EIF4G3: variants seen among roughly 807,000 people sequenced by gnomAD.
The protein encoded by EIF4G3 is eukaryotic translation initiation factor 4 gamma 3, also known as eIF-4-gamma 3.
A neutral mutation model predicts 186.4 loss-of-function variants in EIF4G3; 34 were observed. The ratio of observed to expected loss-of-function variants is 0.18; its 90% CI spans 0.14 to 0.24. The LOEUF (loss-of-function observed/expected upper bound fraction) is 0.24. Ranked by LOEUF, EIF4G3 falls within the 10% of genes least tolerant of loss-of-function variation. The pLI is 1.00. For synonymous variants in EIF4G3, 673 were observed against 679.5 expected, an observed-to-expected ratio of 0.99 and a Z score of 0.15; for missense variants, 1,536 against 1,948.5, an observed-to-expected ratio of 0.79 and a Z score of 3.99.
intron 2 of EIF4G3, among the ~76,000 whole-genome samples, chr1:21,130,873 A>G (rs1315393740): frequency 6.6e-6 from 1 of 152,200 alleles, no homozygotes; most frequent in East Asian, 1.9e-4. Flanking sequence ...TAATTTCAAA[A>G]GCTAAATGCA....
At chr1:21,137,148 C>CTTT (rs35273908) in intron 2 of EIF4G3, among the ~76,000 whole-genome samples, 3 of 142,586 alleles carry the variant, frequency 2.1e-5, no homozygotes, top group East Asian at 2.0e-4. Context: ...TTTGTTTTTC[C>CTTT]TTTTTTTTTT....
chr1:21,044,052 CA>C (rs1355403179), intron 4 of EIF4G3, among the ~76,000 whole-genome samples: 2 of 152,148 alleles, frequency 1.3e-5, no homozygotes, highest in Non-Finnish European at 2.9e-5. Context: ...AAATAAATCT[CA>C]ACAATTAGAA....
In EIF4G3 at chr1:20,851,299, C is replaced by G; in HGVS notation, c.3731G>C (p.Arg1244Thr). The change falls in exon 28 of 37, where the codon AGG becomes ACG. Residue 1244 changes from arginine to threonine, a missense_variant. Around this residue, in one of 11 missense-constraint regions of EIF4G3, gnomAD observed 395 missense variants for 498.9 expected, o/e 0.79. Coordinates refer to ENST00000602326, the MANE Select transcript of EIF4G3 (RefSeq NM_001391906.1). ...ATTTCGCTCAGCCTCAGTGCTGTTC[C>G]TCTCCACATCCACACCTCCTGTGAG... ...KQLTGGVDVE[R>T]NSTEAERNKT... The G allele has an allele frequency of 1.2e-6, 2 of 1,614,206 alleles. No individual in the cohort carries two copies. The highest frequency in any genetic ancestry group is 1.7e-6 in the Non-Finnish European group (2 of 1,180,050).
intron 11 of EIF4G3, among the ~76,000 whole-genome samples, chr1:20,970,193 C>A (rs1208932938): frequency 1.3e-5 from 2 of 152,086 alleles, no homozygotes; most frequent in Non-Finnish European, 2.9e-5. Flanking sequence ...AATATAAATA[C>A]CCTACGAGTT....
chr1:20,891,203 T>C (rs372571531), intron 18 of EIF4G3, among the ~76,000 whole-genome samples: 201 of 152,322 alleles, frequency 1.3e-3, no homozygotes, highest in African/African-American at 4.8e-3. Context: ...ACTCACAATA[T>C]TTCCTTTTTG....
At chr1:21,019,002 T>C (rs572557491) in intron 4 of EIF4G3, among the ~76,000 whole-genome samples, 1 of 152,258 alleles carries the variant, frequency 6.6e-6, no homozygotes, top group East Asian at 1.9e-4. Flanking sequence ...TGGTAAATTT[T>C]GTGTATTTTA....
At chr1:20,878,615 G>A (rs71647172) in intron 20 of EIF4G3, among the ~76,000 whole-genome samples, 3,120 of 152,208 alleles carry the variant, frequency 0.02, 62 homozygotes, top group Non-Finnish European at 0.026. Flanking sequence ...AGCAAGGCAC[G>A]ACAATGAGTT....
intron 4 of EIF4G3, among the ~76,000 whole-genome samples, chr1:21,027,047 T>C (rs888324168): frequency 1.3e-5 from 2 of 151,470 alleles, no homozygotes; most frequent in African/African-American, 4.9e-5. Flanking sequence ...CGAATAGACA[T>C]TTCTATTAAA....
intron 12 of EIF4G3, among the ~76,000 whole-genome samples, chr1:20,960,793 G>A (rs376410933): frequency 3.3e-5 from 5 of 152,042 alleles, no homozygotes; most frequent in South Asian, 2.1e-4. Context: ...TAACAATTCC[G>A]TATGACAGAA....
chr1:21,050,319 A>T (rs1314849622), intron 4 of EIF4G3, among the ~76,000 whole-genome samples: 1 of 152,244 alleles, frequency 6.6e-6, no homozygotes, highest in African/African-American at 2.4e-5. Flanking sequence ...ACAGTGTCTG[A>T]ACGTCTGTTG....
chr1:21,176,201 C>T lies in EIF4G3; in HGVS notation c.-298G>A. 2.3e-6 allele frequency: 1 copy of T among 427,442 alleles called. No homozygotes were observed. The highest frequency in any genetic ancestry group is 2.1e-5 in the African/African-American group (1 of 47,836). 26.5% of individuals were successfully genotyped at this position (427,442 alleles called of 1,614,324 possible). Reference sequence around the variant, plus strand: ...GTTGGGGCGCCTGAGTCTGGAGGGCCCTGATGTTCGGGTGAGGAGGGGGGA... The same window carrying T: ...GTTGGGGCGCCTGAGTCTGGAGGGCTCTGATGTTCGGGTGAGGAGGGGGGA... On this transcript the variant is annotated 5_prime_UTR_variant, in exon 2 of 37. Coordinates refer to ENST00000602326, the MANE Select transcript of EIF4G3 (RefSeq NM_001391906.1).
intron 3 of EIF4G3, among the ~76,000 whole-genome samples, chr1:21,078,804 G>C (rs1203639420): frequency 6.6e-6 from 1 of 152,060 alleles, no homozygotes; most frequent in East Asian, 1.9e-4. Flanking sequence ...GGCCGATATG[G>C]TGAAACCCCG....
chr1:20,855,698 G>T (rs1253850370), intron 25 of EIF4G3, among the ~76,000 whole-genome samples: 1 of 152,088 alleles, frequency 6.6e-6, no homozygotes, highest in South Asian at 2.1e-4. Context: ...GTAATGTAGC[G>T]CTTTGTAAAA....
chr1:20,879,928 T>C (rs778761921), intron 19 of EIF4G3, among the ~76,000 whole-genome samples: 6 of 151,576 alleles, frequency 4.0e-5, no homozygotes, highest in Non-Finnish European at 5.9e-5. Flanking sequence ...AACTTTGATG[T>C]AAAAAAATAG....
chr1:20,814,998 T>C (rs1195125169), intron 34 of EIF4G3, among the ~76,000 whole-genome samples: 2 of 73,604 alleles, frequency 2.7e-5, no homozygotes, highest in African/African-American at 9.8e-5. Flanking sequence ...TTGGCCGGGC[T>C]GGTCTCCAGC....
At chr1:20,858,540 G>A (rs2075600452) in intron 24 of EIF4G3, among the ~76,000 whole-genome samples, 1 of 152,042 alleles carries the variant, frequency 6.6e-6, no homozygotes, top group South Asian at 2.1e-4. Flanking sequence ...GCACTCCCTA[G>A]TCCCTTCTCC....
chr1:20,883,898 T>C (rs2083247326), intron 19 of EIF4G3, among the ~76,000 whole-genome samples: 1 of 152,070 alleles, frequency 6.6e-6, no homozygotes, highest in Non-Finnish European at 1.5e-5. Context: ...TTCAGGTAGA[T>C]GACTCAGGCA....
At chr1:20,863,761 A>G (rs2076943585) in intron 22 of EIF4G3, among the ~76,000 whole-genome samples, 1 of 109,320 alleles carries the variant, frequency 9.1e-6, no homozygotes, top group African/African-American at 2.9e-5. Flanking sequence ...TTACTTAAAA[A>G]AAAAAAAGAG....
At chr1:20,981,582 T>C (rs1024313583) in intron 8 of EIF4G3, among the ~76,000 whole-genome samples, 3 of 139,740 alleles carry the variant, frequency 2.1e-5, no homozygotes, top group Admixed American at 7.2e-5. Flanking sequence ...GCACATACTG[T>C]ATGTATACAT....
Sources: gnomAD v4.1 joint callset for allele counts (sites outside exome capture counted in the v4.1 genomes callset) on GRCh38, gnomAD v4.1.1 for gene constraint, gnomAD v4.1.1 regional missense constraint, MANE v1.5 for transcripts, NCBI Gene and HGNC (gene_info 2026-07-23, HGNC 2026-07-21) for gene names.